Variants in ABTB3 observed in about 807,000 individuals in gnomAD.
The protein encoded by ABTB3 is ankyrin repeat- and BTB/POZ domain-containing protein 3.
chr12:107,392,525 C>T, the ABTB3 span, among the ~76,000 whole-genome samples: 1 of 152,160 alleles, frequency 6.6e-6, no homozygotes, highest in Non-Finnish European at 1.5e-5. Flanking sequence ...CGTTCTCATT[C>T]CCGAGCCTTT....
chr12:107,409,086 C>T, the ABTB3 span, among the ~76,000 whole-genome samples: 12 of 152,326 alleles, frequency 7.9e-5, no homozygotes, highest in Non-Finnish European at 1.6e-4. Flanking sequence ...TCTCCCTCTC[C>T]GTCCCCCTCA....
chr12:107,636,509 G>C, the ABTB3 span, among the ~76,000 whole-genome samples: 1 of 152,216 alleles, frequency 6.6e-6, no homozygotes, highest in African/African-American at 2.4e-5. Flanking sequence ...GGATGAGCCA[G>C]TTTAGATTAA....
At chr12:107,415,824 C>T in the ABTB3 span, among the ~76,000 whole-genome samples, 1 of 152,118 alleles carries the variant, frequency 6.6e-6, no homozygotes, top group Non-Finnish European at 1.5e-5. Flanking sequence ...GAATTTGAAC[C>T]CCCAACCTAT....
At chr12:107,549,845 C>T in the ABTB3 span, among the ~76,000 whole-genome samples, 317 of 152,238 alleles carry the variant, frequency 2.1e-3, 2 homozygotes, top group African/African-American at 7.2e-3. Flanking sequence ...TATTGACTCT[C>T]GTAACTAGCT....
chr12:107,525,324 CAAAAAAAAAAAAAAA>C, the ABTB3 span, among the ~76,000 whole-genome samples: 1 of 34,888 alleles, frequency 2.9e-5, no homozygotes, highest in African/African-American at 8.8e-5. Context: ...AAGATCCTGT[CAAAAAAAAAAAAAAA>C]AAAAAAAAAA....
At chr12:107,500,772 C>G in the ABTB3 span, among the ~76,000 whole-genome samples, 19 of 152,140 alleles carry the variant, frequency 1.2e-4, no homozygotes, top group African/African-American at 4.3e-4. Flanking sequence ...TGCTCCCACC[C>G]GGCCTGGCTA....
chr12:107,604,630 A>G, the ABTB3 span, among the ~76,000 whole-genome samples: 1,988 of 152,334 alleles, frequency 0.013, 15 homozygotes, highest in Non-Finnish European at 0.022. Flanking sequence ...TGTTGGCAAG[A>G]GTGTCAAGAA....
the ABTB3 span, among the ~76,000 whole-genome samples, chr12:107,410,364 A>G: frequency 6.6e-6 from 1 of 151,306 alleles, no homozygotes; most frequent in African/African-American, 2.4e-5. Flanking sequence ...GGTAGGAGGG[A>G]GCAGAGTTGA....
chr12:107,433,163 G>A, the ABTB3 span, among the ~76,000 whole-genome samples: 27 of 151,462 alleles, frequency 1.8e-4, no homozygotes, highest in African/African-American at 6.3e-4. Flanking sequence ...GGTGGCGGGC[G>A]CCTGTAGTCC....
chr12:107,363,155 C>T, the ABTB3 span, among the ~76,000 whole-genome samples: 2 of 152,248 alleles, frequency 1.3e-5, no homozygotes, highest in East Asian at 1.9e-4. Flanking sequence ...GCATGCCCCT[C>T]ACTGCGTTGG....
the ABTB3 span, among the ~76,000 whole-genome samples, chr12:107,353,771 G>A: frequency 6.6e-6 from 1 of 152,162 alleles, no homozygotes; most frequent in Non-Finnish European, 1.5e-5. Context: ...GATTCTCACA[G>A]AAGGGTGAAC....
chr12:107,451,581 T>G, the ABTB3 span, among the ~76,000 whole-genome samples: 4 of 152,212 alleles, frequency 2.6e-5, no homozygotes, highest in Non-Finnish European at 5.9e-5. Context: ...CGGTAAAGTC[T>G]GAGCTCCTTA....
chr12:107,491,986 C>A, the ABTB3 span, among the ~76,000 whole-genome samples: 2 of 106,466 alleles, frequency 1.9e-5, no homozygotes, highest in African/African-American at 9.6e-5. Context: ...GAGAGGAAAC[C>A]TCTAGTCCAT....
the ABTB3 span, among the ~76,000 whole-genome samples, chr12:107,558,540 A>C: frequency 6.6e-6 from 1 of 152,156 alleles, no homozygotes; most frequent in Admixed American, 6.5e-5. Flanking sequence ...CAGCAGGGTT[A>C]GGGTTGAAGG....
At chr12:107,353,330 G>A in the ABTB3 span, among the ~76,000 whole-genome samples, 1 of 152,156 alleles carries the variant, frequency 6.6e-6, no homozygotes, top group Admixed American at 6.5e-5. Flanking sequence ...GTAATAAGTG[G>A]ACGGTTAACA....
At chr12:107,657,927 C>A in the ABTB3 span, 1 of 601,124 alleles carries the variant, frequency 1.7e-6, no homozygotes, top group South Asian at 2.0e-5. Context: ...TAATGGGCAA[C>A]TGGACAACCA....
the ABTB3 span, among the ~76,000 whole-genome samples, chr12:107,524,674 A>C: frequency 2.8e-3 from 429 of 152,324 alleles, 4 homozygotes; most frequent in African/African-American, 9.4e-3. Flanking sequence ...AACTTATCCA[A>C]GATCAACCAC....
the ABTB3 span, among the ~76,000 whole-genome samples, chr12:107,634,520 C>A: frequency 2.0e-5 from 3 of 152,130 alleles, no homozygotes; most frequent in Non-Finnish European, 4.4e-5. Flanking sequence ...CCCCTTTGAG[C>A]CCCTAGTTTC....
the ABTB3 span, among the ~76,000 whole-genome samples, chr12:107,457,428 G>A: frequency 6.6e-6 from 1 of 152,192 alleles, no homozygotes; most frequent in African/African-American, 2.4e-5. Flanking sequence ...TGTCACCATG[G>A]CAATTTCGAA....
Sources: allele counts gnomAD v4.1 joint callset (sites outside exome capture counted in the v4.1 genomes callset), GRCh38; gene constraint gnomAD v4.1.1; transcripts MANE v1.5; gene names NCBI Gene and HGNC (gene_info 2026-07-23, HGNC 2026-07-21).